HARBI1: variants seen among roughly 807,000 people sequenced by gnomAD.
HARBI1 encodes the protein putative nuclease HARBI1.
Under a neutral mutation model 25.3 loss-of-function variants are expected in HARBI1, and 15 were observed. That is an observed-to-expected ratio of 0.59 (90% CI 0.40 to 0.91). The LOEUF (loss-of-function observed/expected upper bound fraction) is 0.91. Among genes scored for constraint, HARBI1 ranks in the 40% least tolerant of loss-of-function variants. HARBI1 has a pLI of 0.00. For missense variants in HARBI1, 396 were observed against 445.8 expected (o/e 0.89, Z 1.01); for synonymous variants, 168 against 160.5 (o/e 1.05, Z -0.35).
intron 2 of HARBI1, among the ~76,000 whole-genome samples, chr11:46,605,769 A>T (rs910276374): frequency 6.7e-6 from 1 of 149,234 alleles, no homozygotes; most frequent in African/African-American, 2.5e-5. Flanking sequence ...TTGTGTTTTT[A>T]GTAGAGACGG....
At position 46,603,590 on chromosome 11, in the gene HARBI1, C is replaced by T. The variant is rs35569076; in HGVS notation, c.990G>A (p.Glu330=). ...QPPEEEYEHM[E]SLDLEADRIR... ...TACGGTCAGCCTCTAAGTCCAGGGA[C>T]TCCATGTGCTCATACTCCTCTTCCG... Residue 330 remains glutamate (E), a synonymous_variant, in exon 3 of 3, where the codon GAG becomes GAA. Coordinates refer to ENST00000326737, the MANE Select transcript of HARBI1 (RefSeq NM_173811.4). The T allele has an allele frequency of 6.3e-4, 1,016 of 1,613,906 alleles. 5 individuals carry two copies. The African/African-American group carries it at 0.013, about 20-fold the overall frequency.
intron 2 of HARBI1, among the ~76,000 whole-genome samples, chr11:46,608,908 C>A (rs951045331): frequency 6.6e-6 from 1 of 150,790 alleles, no homozygotes; most frequent in Non-Finnish European, 1.5e-5. Context: ...AGCCACCGCA[C>A]CTGACAAATT....
intron 2 of HARBI1, among the ~76,000 whole-genome samples, chr11:46,609,069 G>A (rs1023043772): frequency 3.3e-5 from 5 of 150,498 alleles, no homozygotes; most frequent in East Asian, 2.0e-4. Flanking sequence ...GATTACAGGC[G>A]CCTGCCACCA....
chr11:46,614,911 TTTTC>T (rs1310003074), intron 2 of HARBI1, among the ~76,000 whole-genome samples: 1 of 152,154 alleles, frequency 6.6e-6, no homozygotes, highest in Non-Finnish European at 1.5e-5. Flanking sequence ...ACTACATAAT[TTTTC>T]TTTTTCTTTT....
At chr11:46,606,137 C>CG (rs2044940402) in intron 2 of HARBI1, among the ~76,000 whole-genome samples, 1 of 151,800 alleles carries the variant, frequency 6.6e-6, no homozygotes, top group South Asian at 2.1e-4. Context: ...CCACCCCCTT[C>CG]GGCTTCCCAA....
Position 46,616,072 on chromosome 11 carries a change from T to G in HARBI1, c.166A>C (p.Asn56His). Reference protein sequence around the residue: ...IYYLVELLGANLSRPTQRSRA... With the variant: ...IYYLVELLGAHLSRPTQRSRA... ...GATCGCTGAGTAGGCCTAGAAAGAT[T>G]CGCCCCCAAGAGCTCCACCAAGTAA... Residue 56 changes from asparagine (N) to histidine (H), a missense_variant, in exon 2 of 3, where the codon AAT (asparagine) becomes CAT (histidine). Transcript: ENST00000326737. The G allele has an allele frequency of 3.7e-6, 6 of 1,614,156 alleles. No individual in the cohort carries two copies. Among genetic ancestry groups the G allele is most frequent in the Non-Finnish European group, 5.1e-6 (6 of 1,180,030 alleles).
Position 46,604,284 on chromosome 11 carries a change from G to T in HARBI1, c.671-375C>A, listed in dbSNP as rs1432226779. ...AGCACTTTGGGAGGCTGAGGCGGGTGGATCACCAACTGAGGCCCGGAGTTC... is the reference window on the plus strand; with the variant it reads ...AGCACTTTGGGAGGCTGAGGCGGGTTGATCACCAACTGAGGCCCGGAGTTC... On this transcript the variant is annotated intron_variant, in intron 2 of 2. Transcript: ENST00000326737. The T allele has an allele frequency of 4.2e-6, 4 of 954,430 alleles. No homozygotes were observed. The African/African-American group carries it at 7.1e-5, about 17-fold the overall frequency. 59.1% of individuals were successfully genotyped at this position (954,430 alleles called of 1,614,324 possible). A position where few individuals can be genotyped will look rare whatever the true frequency, so the allele number is the denominator to read the frequency against.
chr11:46,616,849 A>G, intron 1 of HARBI1: 1 of 980,866 alleles, frequency 1.0e-6, no homozygotes, highest in Non-Finnish European at 1.2e-6. Flanking sequence ...AAAAAAAAAA[A>G]AAAAAAAAAA....
chr11:46,617,135 T>G lies in HARBI1; in HGVS notation c.-156A>C. ...GGCCCGTCACCCACCTCTCCGCGGC[T>G]GCCAGGTTACCAGCCACACTTCCCA... On this transcript the variant is annotated 5_prime_UTR_variant, in exon 1 of 3. Coordinates refer to ENST00000326737, the MANE Select transcript of HARBI1 (RefSeq NM_173811.4). 3 of 391,458 alleles carry G rather than the reference T, an allele frequency of 7.7e-6. No homozygotes were observed. Among genetic ancestry groups the G allele is most frequent in the East Asian group, 1.6e-4 (1 of 6,156 alleles). The allele number at this position is 391,458 out of a possible 1,614,324, so 24.2% of individuals were successfully genotyped here.
At chr11:46,611,505 G>A (rs2045183499) in intron 2 of HARBI1, among the ~76,000 whole-genome samples, 1 of 151,982 alleles carries the variant, frequency 6.6e-6, no homozygotes, top group Non-Finnish European at 1.5e-5. Flanking sequence ...GAGCCTAGGG[G>A]TTCGAGACCA....
Position 46,603,766 on chromosome 11 carries a change from G to A in HARBI1, c.814C>T (p.Arg272Cys), listed in dbSNP as rs369296929. ...KTFRTLCSRF[R>C]CLDGSKGALQ... is the part of the protein sequence containing the mutation. ...GCCCCCTTGGATCCATCCAGGCAGC[G>A]GAATCGGGAGCAGAGGGTTCGGAAA... Residue 272 changes from arginine to cysteine, a missense_variant, in exon 3 of 3, where the codon CGC becomes TGC. By Grantham distance (180) the Arg-to-Cys change is radical. Coordinates refer to ENST00000326737, the MANE Select transcript of HARBI1 (RefSeq NM_173811.4). 2.8e-5 allele frequency: 45 copies of A among 1,614,098 alleles called. No homozygotes were observed. The highest frequency in any genetic ancestry group is 8.9e-5 in the East Asian group (4 of 44,896).
Position 46,616,327 on chromosome 11 carries a change from T to C in HARBI1, c.-90A>G. 1 of 1,510,992 alleles carries C rather than the reference T, an allele frequency of 6.6e-7. No homozygotes were observed. The highest frequency in any genetic ancestry group is 8.8e-7 in the Non-Finnish European group (1 of 1,138,928). The allele number at this position is 1,510,992 out of a possible 1,614,324, so 93.6% of individuals were successfully genotyped here. On this transcript the variant is annotated 5_prime_UTR_variant, in exon 2 of 3. Transcript: ENST00000326737. ...GCAAGAACGTATTTTTAAGAAAGTA[T>C]CAGAATCCAACAGCTAACCACAGTT...
chr11:46,607,812 G>A (rs2045012712), intron 2 of HARBI1, among the ~76,000 whole-genome samples: 1 of 151,620 alleles, frequency 6.6e-6, no homozygotes. Context: ...TGAATTGTTT[G>A]CAGGAATAGG....
At chr11:46,608,334 T>A (rs1338387839) in intron 2 of HARBI1, among the ~76,000 whole-genome samples, 1 of 151,790 alleles carries the variant, frequency 6.6e-6, no homozygotes, top group Non-Finnish European at 1.5e-5. Flanking sequence ...AAAAATACAA[T>A]TAGCCATCTA....
intron 2 of HARBI1, among the ~76,000 whole-genome samples, chr11:46,614,128 A>AATATAT (rs749880873): frequency 6.7e-6 from 1 of 148,550 alleles, no homozygotes; most frequent in Admixed American, 6.7e-5. Context: ...TACATTTATT[A>AATATAT]ATATATATAT....
intron 2 of HARBI1, among the ~76,000 whole-genome samples, chr11:46,607,356 A>G (rs545454138): frequency 6.6e-6 from 1 of 152,240 alleles, no homozygotes; most frequent in African/African-American, 2.4e-5. Context: ...AGATCAAAGT[A>G]TATGTTCGTC....
chr11:46,617,600 G>A (rs1198406072), upstream of HARBI1: 2 of 254,384 alleles, frequency 7.9e-6, no homozygotes, highest in Non-Finnish European at 1.4e-5. Flanking sequence ...TGGCGGCGCC[G>A]GGAAGCGACC....
In HARBI1 at chr11:46,603,677, G is replaced by A. The variant is rs763462311; in HGVS notation, c.903C>T (p.Ile301=). 4.3e-6 allele frequency: 7 copies of A among 1,614,180 alleles called. No individual in the cohort carries two copies. The highest frequency in any genetic ancestry group is 2.2e-5 in the South Asian group (2 of 91,082). The change falls in exon 3 of 3, where the codon ATC becomes ATT. Residue 301 remains isoleucine (I), a synonymous_variant. Transcript: ENST00000326737. ...IILACCVLHN[I]SLEHGMDVWS... ...AAACATCCATCCCATGCTCCAGGGA[G>A]ATGTTGTGGAGGACACAACAGGCCA...
At chr11:46,616,584 G>A (rs963222687) in intron 1 of HARBI1, 2 of 1,044,552 alleles carry the variant, frequency 1.9e-6, no homozygotes, top group East Asian at 8.0e-5. Context: ...CAATCTTTGT[G>A]GCTCATTTAA....
Sources: gnomAD v4.1 joint callset for allele counts (sites outside exome capture counted in the v4.1 genomes callset) on GRCh38, gnomAD v4.1.1 for gene constraint, MANE v1.5 for transcripts, NCBI Gene and HGNC (gene_info 2026-07-23, HGNC 2026-07-21) for gene names.